KCNIP3: variants seen among roughly 807,000 people sequenced by gnomAD.
The protein encoded by KCNIP3 is calsenilin.
KCNIP3 carries 28 observed loss-of-function variants against 35.0 expected under a neutral mutation model. The observed-to-expected ratio is 0.80, with a 90% CI of 0.59 to 1.10. The LOEUF (loss-of-function observed/expected upper bound fraction) is 1.10. Ranked by LOEUF, KCNIP3 falls within the 50% of genes least tolerant of loss-of-function variation. The pLI, the probability that KCNIP3 is intolerant of heterozygous loss-of-function variation, is 0.00. For missense variants in KCNIP3, 295 were observed against 338.4 expected, an observed-to-expected ratio of 0.87 and a Z score of 1.01; for synonymous variants, 134 against 133.8, an observed-to-expected ratio of 1.00 and a Z score of -0.01.
At chr2:95,335,458 T>C (rs1310108087) in intron 2 of KCNIP3, among the ~76,000 whole-genome samples, 1 of 152,242 alleles carries the variant, frequency 6.6e-6, no homozygotes, top group Non-Finnish European at 1.5e-5. Flanking sequence ...ACCATCATTT[T>C]TGTATTGTTA....
intron 2 of KCNIP3, among the ~76,000 whole-genome samples, chr2:95,352,252 TCAAAA>T (rs1679544646): frequency 1.3e-5 from 2 of 152,046 alleles, no homozygotes; most frequent in Admixed American, 1.3e-4. Flanking sequence ...AGACTCTGTC[TCAAAA>T]CAAACAAGAA....
chr2:95,331,426 T>C (rs1678924347), intron 2 of KCNIP3, among the ~76,000 whole-genome samples: 1 of 152,070 alleles, frequency 6.6e-6, no homozygotes, highest in South Asian at 2.1e-4. Flanking sequence ...AAAGAGATCC[T>C]AGCAGAGGCT....
At chr2:95,365,903 C>T (rs143419249) in intron 2 of KCNIP3, among the ~76,000 whole-genome samples, 154 of 152,222 alleles carry the variant, frequency 1.0e-3, no homozygotes, top group African/African-American at 3.6e-3. Flanking sequence ...CTATGAATCT[C>T]GATACATGCA....
intron 2 of KCNIP3, among the ~76,000 whole-genome samples, chr2:95,326,743 G>C (rs766150277): frequency 6.6e-6 from 1 of 152,336 alleles, no homozygotes; most frequent in Non-Finnish European, 1.5e-5. Flanking sequence ...CCCAAACCCT[G>C]ATTTCCGTTG....
rs959380048 is a variant in KCNIP3 at position 95,378,847 on chromosome 2, CAT to C, written c.448-2741_448-2740del. Among the ~76,000 whole-genome samples the C allele has an allele frequency of 4.0e-5, 6 of 150,416 alleles. No homozygotes were observed. Among genetic ancestry groups the C allele is most frequent in the African/African-American group, 7.4e-5 (3 of 40,618 alleles). ...ATATATACACACATATTTATATACA[CAT>C]ATATATACACATATATACACACACA... On this transcript the variant is annotated intron_variant, in intron 5 of 8. Coordinates refer to ENST00000295225, the MANE Select transcript of KCNIP3 (RefSeq NM_013434.5). The surrounding 1 kb of genome is among the most constrained non-coding windows in gnomAD (Gnocchi z 4.0).
At chr2:95,315,419 C>A (rs1678428575) in intron 2 of KCNIP3, among the ~76,000 whole-genome samples, 1 of 152,200 alleles carries the variant, frequency 6.6e-6, no homozygotes, top group African/African-American at 2.4e-5. Flanking sequence ...TCGTCCAGTG[C>A]CTCCTCGGCC....
Position 95,383,000 on chromosome 2 carries a change from G to A in KCNIP3, c.661-232G>A, listed in dbSNP as rs568098934. On this transcript the variant is annotated intron_variant, in intron 7 of 8. Coordinates refer to ENST00000295225, the MANE Select transcript of KCNIP3 (RefSeq NM_013434.5). The surrounding 1 kb of genome is among the most constrained non-coding windows in gnomAD (Gnocchi z 4.5). Reference sequence around the variant, plus strand: ...GGGCTCAGGGAATTGGCCTAGGGGAGCAGTGGGGAGATGCTTGGAGCCTCA... The same window carrying A: ...GGGCTCAGGGAATTGGCCTAGGGGAACAGTGGGGAGATGCTTGGAGCCTCA... Among the ~76,000 whole-genome samples, 46 of 152,328 alleles carry A rather than the reference G, an allele frequency of 3.0e-4. No individual in the cohort carries two copies. The highest frequency in any genetic ancestry group is 2.9e-3 in the Admixed American group (45 of 15,308).
intron 2 of KCNIP3, among the ~76,000 whole-genome samples, chr2:95,373,868 C>T (rs1454815943): frequency 6.6e-6 from 1 of 152,264 alleles, no homozygotes; most frequent in Admixed American, 6.5e-5. Context: ...GAGGCACCCT[C>T]TCCATTCCTG....
intron 2 of KCNIP3, among the ~76,000 whole-genome samples, chr2:95,358,992 TA>T (rs57220663): frequency 6.6e-6 from 1 of 151,786 alleles, no homozygotes; most frequent in Non-Finnish European, 1.5e-5. Flanking sequence ...TTTTTTTTTT[TA>T]AAAAAAGGTC....
intron 2 of KCNIP3, among the ~76,000 whole-genome samples, chr2:95,373,524 A>G (rs1189346376): frequency 2.8e-5 from 4 of 140,494 alleles, no homozygotes; most frequent in African/African-American, 2.7e-5. Flanking sequence ...CCCGGTTCAC[A>G]CCATTCTCCT....
chr2:95,304,589 G>A (rs527377247), intron 1 of KCNIP3, among the ~76,000 whole-genome samples: 137 of 150,394 alleles, frequency 9.1e-4, no homozygotes, highest in Non-Finnish European at 1.7e-3. Flanking sequence ...TGAATAACAG[G>A]AGAACGCATA....
At chr2:95,344,603 G>A (rs1304504681) in intron 2 of KCNIP3, among the ~76,000 whole-genome samples, 1 of 152,204 alleles carries the variant, frequency 6.6e-6, no homozygotes, top group East Asian at 1.9e-4. Flanking sequence ...AGCATCCAGG[G>A]AAACAGAGGC....
intron 1 of KCNIP3, among the ~76,000 whole-genome samples, chr2:95,308,237 T>C (rs1211894199): frequency 1.3e-5 from 2 of 152,172 alleles, no homozygotes; most frequent in Admixed American, 1.3e-4. Flanking sequence ...GCATGGTCAG[T>C]GCCTCTTCTT....
chr2:95,346,902 T>C, intron 2 of KCNIP3: 1 of 437,952 alleles, frequency 2.3e-6, no homozygotes, highest in Non-Finnish European at 3.6e-6. Context: ...GCCGGGGGCA[T>C]GTGAGCCGTC....
chr2:95,374,162 G>C, intron 2 of KCNIP3, 134 bp from the exon 3 acceptor site: 1 of 1,097,722 alleles, frequency 9.1e-7, no homozygotes, highest in Non-Finnish European at 1.3e-6. Context: ...TGCACAGCCT[G>C]TGTGGCTGTC....
chr2:95,326,295 TAC>T (rs1221994238), intron 2 of KCNIP3, among the ~76,000 whole-genome samples: 3 of 151,242 alleles, frequency 2.0e-5, no homozygotes, highest in East Asian at 3.9e-4. Flanking sequence ...ACACACTCAT[TAC>T]ACACATACAC....
chr2:95,313,973 ACACACACACATGAG>A lies in KCNIP3; in HGVS notation c.181+3464_181+3477del, dbSNP rs1166279629. On this transcript the variant is annotated intron_variant, in intron 2 of 8. Transcript: ENST00000295225. ...CATACACACACAAGCACACACACATACACACACACATGAGCACACACACACGCATACTTACACAC... is the reference window on the plus strand; with the variant it reads ...CATACACACACAAGCACACACACATACACACACACACGCATACTTACACAC... 5 of 152,010 alleles carry A rather than the reference ACACACACACATGAG, an allele frequency of 3.3e-5. No homozygotes were observed. The East Asian group carries it at 7.7e-4, about 24-fold the overall frequency. 9.4% of individuals were successfully genotyped at this position (152,010 alleles called of 1,614,324 possible).
At chr2:95,337,021 G>A (rs1679077773) in intron 2 of KCNIP3, among the ~76,000 whole-genome samples, 3 of 152,132 alleles carry the variant, frequency 2.0e-5, no homozygotes, top group South Asian at 2.1e-4. Context: ...AGGCCCCAAA[G>A]GATCTGTTCG....
At chr2:95,322,166 A>G (rs1001342389) in intron 2 of KCNIP3, among the ~76,000 whole-genome samples, 8 of 152,108 alleles carry the variant, frequency 5.3e-5, no homozygotes, top group African/African-American at 1.9e-4. Context: ...GGAGTTCGAG[A>G]CCAGCTTGGG....
Sources: allele counts gnomAD v4.1 joint callset (sites outside exome capture counted in the v4.1 genomes callset), GRCh38; gene constraint gnomAD v4.1.1; non-coding constraint Gnocchi (gnomAD v3.1); transcripts MANE v1.5; gene names NCBI Gene and HGNC (gene_info 2026-07-23, HGNC 2026-07-21).